The following CHRNB3 variants were observed in gnomAD, a reference collection of about 807,000 sequenced individuals.
CHRNB3 encodes the protein cholinergic receptor nicotinic beta 3 subunit.
Under a neutral mutation model 40.6 loss-of-function variants are expected in CHRNB3, and 37 were observed. The observed-to-expected ratio is 0.91, with a 90% CI of 0.70 to 1.20. CHRNB3 has a LOEUF of 1.20. CHRNB3 is among the 50% of genes most tolerant of loss of function. The probability of loss-of-function intolerance (pLI) is 0.00; values close to 1 mark genes in which losing one functional copy is unlikely to be tolerated. For missense variants in CHRNB3, 505 were observed against 551.2 expected (o/e 0.92, Z 0.84); for synonymous variants, 207 against 207.1 (o/e 1.00, Z 0.00).
chr8:42,722,222 A>C (rs1482040269), intron 3 of CHRNB3, among the ~76,000 whole-genome samples: 1 of 151,966 alleles, frequency 6.6e-6, no homozygotes, highest in East Asian at 1.9e-4. Context: ...AAAAATACAA[A>C]AATTAGCCAG....
At chr8:42,732,609 T>C in intron 5 of CHRNB3, 60 bp downstream of exon 5, 1 of 1,425,966 alleles carries the variant, frequency 7.0e-7, no homozygotes, top group Non-Finnish European at 9.4e-7. Context: ...ACAAATATTT[T>C]GACATCTGTT....
chr8:42,731,652 C>G lies in CHRNB3; in HGVS notation c.360-15C>G, dbSNP rs1205591495. ...TGCTCCACCGACTGCTAAGGTGAAA[C>G]TGCTTTGATTGCAGTGCTGACGGCC... On this transcript the variant is annotated splice_polypyrimidine_tract_variant and intron_variant, in intron 4 of 5. Transcript: ENST00000289957. 1.3e-6 allele frequency: 2 copies of G among 1,578,120 alleles called. No individual in the cohort carries two copies. The highest frequency in any genetic ancestry group is 4.5e-5 in the East Asian group (2 of 44,540).
At chr8:42,716,324 A>G (rs958818298) in intron 3 of CHRNB3, among the ~76,000 whole-genome samples, 1 of 152,074 alleles carries the variant, frequency 6.6e-6, no homozygotes, top group African/African-American at 2.4e-5. Flanking sequence ...TTTTGCCTAG[A>G]TGTTACAATA....
intron 1 of CHRNB3, among the ~76,000 whole-genome samples, chr8:42,706,963 T>C (rs2128904986): frequency 6.6e-6 from 1 of 152,130 alleles, no homozygotes; most frequent in Non-Finnish European, 1.5e-5. Flanking sequence ...CTTCCTATGT[T>C]GCCTAGGCTG....
At position 42,725,832 on chromosome 8, in the gene CHRNB3, T is replaced by C; in HGVS notation, c.250-4762T>C. 23 of 822,480 alleles carry C rather than the reference T, an allele frequency of 2.8e-5. No individual in the cohort carries two copies. In the South Asian group the frequency reaches 2.9e-4, roughly 10 times the overall value. 50.9% of individuals were successfully genotyped at this position (822,480 alleles called of 1,614,324 possible). On this transcript the variant is annotated intron_variant, in intron 3 of 5. Coordinates refer to ENST00000289957, the MANE Select transcript of CHRNB3 (RefSeq NM_000749.5). ...ATCCCTAGGTCACATAAGTTTCCAC[T>C]ATACGCAGCATTTTTAGGTTCTGGG...
chr8:42,716,837 G>T (rs1248054616), intron 3 of CHRNB3, among the ~76,000 whole-genome samples: 1 of 152,044 alleles, frequency 6.6e-6, no homozygotes, highest in African/African-American at 2.4e-5. Flanking sequence ...GGGCGCTGTT[G>T]CATATAAAAA....
Position 42,703,435 on chromosome 8 carries a change from A to AAAAAAAAAAAAAT in CHRNB3, c.53-5281_53-5280insAAAAAAAAAAATA. Among the ~76,000 whole-genome samples the AAAAAAAAAAAAAT allele has an allele frequency of 8.4e-5, 4 of 47,410 alleles. 1 individual carries two copies. Among genetic ancestry groups the AAAAAAAAAAAAAT allele is most frequent in the East Asian group, 2.3e-3 (2 of 878 alleles). 31.1% of individuals were successfully genotyped at this position (47,410 alleles called of 152,430 possible). A position where few individuals can be genotyped will look rare whatever the true frequency, so the allele number is the denominator to read the frequency against. ...CAAGACTTCGTCTAAAAAAAAAAAAAATATTTATATATATATATATATATA... is the reference window on the plus strand; with the variant it reads ...CAAGACTTCGTCTAAAAAAAAAAAAAAAAAAAAAAAAATATATTTATATATATATATATATATA... On this transcript the variant is annotated intron_variant, in intron 1 of 5. Transcript: ENST00000289957.
At chr8:42,715,704 T>C (rs1056864133) in intron 3 of CHRNB3, among the ~76,000 whole-genome samples, 33 of 152,252 alleles carry the variant, frequency 2.2e-4, no homozygotes, top group African/African-American at 4.8e-4. Flanking sequence ...GAAAGAACTT[T>C]ATAAAGCACA....
chr8:42,731,618 A>G (rs1816419158), intron 4 of CHRNB3, 49 bp from the exon 5 acceptor site: 6 of 1,516,382 alleles, frequency 4.0e-6, no homozygotes, highest in Non-Finnish European at 5.3e-6. Context: ...AAGAACAAAA[A>G]CTAGCAGGTG....
chr8:42,701,910 C>T (rs1815811936), intron 1 of CHRNB3, among the ~76,000 whole-genome samples: 1 of 152,362 alleles, frequency 6.6e-6, no homozygotes, highest in Non-Finnish European at 1.5e-5. Flanking sequence ...AAGGTGTGAG[C>T]TGCTGGAGGC....
intron 1 of CHRNB3, among the ~76,000 whole-genome samples, chr8:42,705,358 A>G (rs1815904174): frequency 6.6e-6 from 1 of 152,216 alleles, no homozygotes; most frequent in Non-Finnish European, 1.5e-5. Context: ...TGGGTTCCCC[A>G]AAGTTCAAGT....
chr8:42,698,565 T>C (rs1246896854), intron 1 of CHRNB3, among the ~76,000 whole-genome samples: 1 of 152,190 alleles, frequency 6.6e-6, no homozygotes, highest in Non-Finnish European at 1.5e-5. Flanking sequence ...CTGAACATTA[T>C]CCTGTTGTCA....
intron 3 of CHRNB3, among the ~76,000 whole-genome samples, chr8:42,727,661 G>A (rs913750264): frequency 1.4e-4 from 21 of 152,114 alleles, no homozygotes; most frequent in African/African-American, 4.6e-4. Context: ...TCAAGAGATC[G>A]AGACCATCCT....
At chr8:42,710,256 T>G (rs1052485804) in intron 2 of CHRNB3, 134 bp from the exon 3 acceptor site, 1 of 677,252 alleles carries the variant, frequency 1.5e-6, no homozygotes, top group Admixed American at 2.7e-5. Context: ...AGGTTGAGGG[T>G]GCAGTGAGCT....
intron 3 of CHRNB3, among the ~76,000 whole-genome samples, chr8:42,712,859 CTT>C (rs567650103): frequency 2.7e-4 from 31 of 114,744 alleles, no homozygotes; most frequent in Admixed American, 1.7e-3. Flanking sequence ...CCACTGCTCT[CTT>C]TTTTTTTTTT....
rs940233302 is a variant in CHRNB3, at chr8:42,730,977, A to G, written c.359+274A>G. On this transcript the variant is annotated intron_variant, in intron 4 of 5. Coordinates refer to ENST00000289957, the MANE Select transcript of CHRNB3 (RefSeq NM_000749.5). ...GCAGGAGAATGGCGTGAACCCGGGA[A>G]GCGGAGCTTGCAGTGAGCCGAGATT... is the stretch of plus-strand genomic sequence containing the variant. Among the ~76,000 whole-genome samples the G allele has an allele frequency of 1.4e-4, 20 of 147,538 alleles. 2 individuals carry two copies. Among genetic ancestry groups the G allele is most frequent in the Admixed American group, 1.1e-3 (16 of 14,858 alleles).
Position 42,731,931 on chromosome 8 carries a change from G to C in CHRNB3, c.624G>C (p.Gly208=), listed in dbSNP as rs1563616548. 1 of 1,614,054 alleles carries C rather than the reference G, an allele frequency of 6.2e-7. No individual in the cohort carries two copies. Among genetic ancestry groups the C allele is most frequent in the African/African-American group, 1.3e-5 (1 of 74,896 alleles). ...NGEWEILNAK[G]MKGNRRDGVY... is the part of the protein sequence containing the mutation. ...AATGGGAAATACTGAACGCAAAGGG[G>C]ATGAAGGGGAACAGAAGGGACGGCG... The change falls in exon 5 of 6, where the codon GGG becomes GGC. Residue 208 remains glycine, a synonymous_variant. Transcript: ENST00000289957.
intron 1 of CHRNB3, among the ~76,000 whole-genome samples, chr8:42,698,068 T>C (rs1262480795): frequency 6.6e-6 from 1 of 152,200 alleles, no homozygotes; most frequent in Non-Finnish European, 1.5e-5. Context: ...GTAGGTAGAT[T>C]TAGCATGTTT....
chr8:42,697,624 A>C, intron 1 of CHRNB3, 26 bp downstream of exon 1: 1 of 1,580,844 alleles, frequency 6.3e-7, no homozygotes, highest in Non-Finnish European at 8.7e-7. Flanking sequence ...AGTAAATTAA[A>C]ACTACAGTTG....
Sources: gnomAD v4.1 joint callset for allele counts (sites outside exome capture counted in the v4.1 genomes callset) on GRCh38, gnomAD v4.1.1 for gene constraint, MANE v1.5 for transcripts, NCBI Gene and HGNC (gene_info 2026-07-23, HGNC 2026-07-21) for gene names.